The following GRIA4 variants were observed in gnomAD, a reference collection of about 807,000 sequenced individuals.
GRIA4 encodes glutamate ionotropic receptor AMPA type subunit 4.
Under a neutral mutation model 104.0 loss-of-function variants are expected in GRIA4, and 34 were observed. The observed-to-expected ratio is 0.33, with a 90% confidence interval of 0.25 to 0.44. The LOEUF (loss-of-function observed/expected upper bound fraction) is 0.44, where lower values mean the gene tolerates loss of function less well. Among genes scored for constraint, GRIA4 ranks in the 20% least tolerant of loss-of-function variants. The probability of loss-of-function intolerance (pLI) is 1.00; values close to 1 mark genes in which losing one functional copy is unlikely to be tolerated. For synonymous variants in GRIA4, 386 were observed against 381.9 expected (o/e 1.01, Z -0.13); for missense variants, 750 against 1,096.5 (o/e 0.68, Z 4.46).
Position 105,924,550 on chromosome 11 carries a change from T to C in GRIA4, c.1628T>C (p.Leu543Pro). ...KPGVFSFLDP[L>P]AYEIWMCIVF... ...GGAGTGTTTTCCTTCTTGGATCCTC[T>C]GGCCTATGAGATTTGGATGTGCATA... is the stretch of plus-strand genomic sequence containing the variant. Residue 543 changes from leucine to proline, a missense_variant, in exon 12 of 17, where the codon CTG becomes CCG. Transcript: ENST00000282499. 1.2e-6 allele frequency: 2 copies of C among 1,613,302 alleles called. No individual in the cohort carries two copies. Among genetic ancestry groups the C allele is most frequent in the Non-Finnish European group, 1.7e-6 (2 of 1,179,428 alleles).
intron 4 of GRIA4, among the ~76,000 whole-genome samples, chr11:105,805,951 A>G (rs1942936964): frequency 6.6e-6 from 1 of 151,902 alleles, no homozygotes; most frequent in African/African-American, 2.4e-5. Flanking sequence ...TAATTAGATT[A>G]GAGAGGCCTT....
At chr11:105,761,712 C>T (rs1331564021) in intron 4 of GRIA4, among the ~76,000 whole-genome samples, 1 of 152,158 alleles carries the variant, frequency 6.6e-6, no homozygotes, top group Non-Finnish European at 1.5e-5. Flanking sequence ...TCAAAAAATG[C>T]TAATCTTCTT....
At chr11:105,770,119 A>G (rs1941143383) in intron 4 of GRIA4, among the ~76,000 whole-genome samples, 1 of 152,114 alleles carries the variant, frequency 6.6e-6, no homozygotes, top group Non-Finnish European at 1.5e-5. Context: ...TGGATGATTT[A>G]GTGCTCTAAT....
intron 4 of GRIA4, among the ~76,000 whole-genome samples, chr11:105,830,468 A>G (rs1483845559): frequency 6.6e-6 from 1 of 151,984 alleles, no homozygotes; most frequent in Non-Finnish European, 1.5e-5. Context: ...TAAGATGAAG[A>G]CTTGGGAGGA....
chr11:105,824,330 C>T (rs1382553121), intron 4 of GRIA4, among the ~76,000 whole-genome samples: 1 of 151,998 alleles, frequency 6.6e-6, no homozygotes, highest in Non-Finnish European at 1.5e-5. Flanking sequence ...GTGTATACTT[C>T]TTTATTCTCA....
chr11:105,734,864 G>C (rs1217723949), intron 3 of GRIA4, among the ~76,000 whole-genome samples: 2 of 152,098 alleles, frequency 1.3e-5, no homozygotes, highest in African/African-American at 2.4e-5. Context: ...TCAGTACTGG[G>C]TCAATGTAAG....
At chr11:105,642,539 A>G (rs1298183117) in intron 3 of GRIA4, among the ~76,000 whole-genome samples, 2 of 28,306 alleles carry the variant, frequency 7.1e-5, no homozygotes, top group Admixed American at 6.1e-4. Flanking sequence ...ATTTTAATGA[A>G]AAAAAAAAAA....
At chr11:105,719,431 A>G (rs973182665) in intron 3 of GRIA4, among the ~76,000 whole-genome samples, 4 of 152,070 alleles carry the variant, frequency 2.6e-5, no homozygotes, top group African/African-American at 9.7e-5. Flanking sequence ...TCTGCTTTAA[A>G]TTTTCTGAAT....
chr11:105,766,470 G>GAT (rs1940946941), intron 4 of GRIA4, among the ~76,000 whole-genome samples: 1 of 152,008 alleles, frequency 6.6e-6, no homozygotes, highest in Non-Finnish European at 1.5e-5. Flanking sequence ...TTGTGTTATT[G>GAT]ATATGAGCTT....
At chr11:105,653,999 C>CAAAAAAAAAAAAAAGAAAA (rs1951758478) in intron 3 of GRIA4, among the ~76,000 whole-genome samples, 1 of 50,262 alleles carries the variant, frequency 2.0e-5, no homozygotes. Flanking sequence ...ACTATTTAGC[C>CAAAAAAAAAAAAAAGAAAA]AAAAAAAAAA....
intron 4 of GRIA4, among the ~76,000 whole-genome samples, chr11:105,808,764 T>TA (rs1943056240): frequency 6.6e-6 from 1 of 152,096 alleles, no homozygotes; most frequent in African/African-American, 2.4e-5. Flanking sequence ...CCCTGAAATT[T>TA]AAAATAACTG....
chr11:105,728,114 T>G (rs534967396), intron 3 of GRIA4, among the ~76,000 whole-genome samples: 2 of 152,316 alleles, frequency 1.3e-5, no homozygotes, highest in Non-Finnish European at 2.9e-5. Flanking sequence ...ATCAGTGTGC[T>G]GTATTCAGGA....
intron 4 of GRIA4, among the ~76,000 whole-genome samples, chr11:105,828,837 T>C (rs1943869899): frequency 6.6e-6 from 1 of 152,020 alleles, no homozygotes; most frequent in Admixed American, 6.6e-5. Flanking sequence ...TCTTATTCCA[T>C]GGGGTGTCCC....
chr11:105,875,125 G>C (rs558292122), intron 5 of GRIA4, among the ~76,000 whole-genome samples: 26 of 152,252 alleles, frequency 1.7e-4, no homozygotes, highest in African/African-American at 6.0e-4. Flanking sequence ...TAGCATGAAG[G>C]GGTGTTGAAT....
At chr11:105,876,009 G>T (rs1263447519) in intron 5 of GRIA4, among the ~76,000 whole-genome samples, 1 of 151,992 alleles carries the variant, frequency 6.6e-6, no homozygotes, top group Admixed American at 6.6e-5. Flanking sequence ...TGATGTTAGG[G>T]TGTCGATTTT....
chr11:105,771,801 T>C (rs1941219145), intron 4 of GRIA4, among the ~76,000 whole-genome samples: 1 of 152,050 alleles, frequency 6.6e-6, no homozygotes, highest in South Asian at 2.1e-4. Flanking sequence ...AACTTGCAGA[T>C]GAACCATGTA....
intron 10 of GRIA4, chr11:105,912,901 G>A (rs1003145289): frequency 1.0e-6 from 1 of 979,874 alleles, no homozygotes; most frequent in Admixed American, 6.2e-5. Context: ...TCCCAACACA[G>A]ATGGAATTGG....
At chr11:105,832,140 C>A (rs41445847) in intron 4 of GRIA4, among the ~76,000 whole-genome samples, 3,044 of 152,008 alleles carry the variant, frequency 0.02, 56 homozygotes, top group East Asian at 0.054. Context: ...AATAACCCTG[C>A]AATGTATGCA....
intron 3 of GRIA4, among the ~76,000 whole-genome samples, chr11:105,651,831 A>G (rs1186260338): frequency 1.3e-5 from 2 of 152,088 alleles, no homozygotes; most frequent in African/African-American, 2.4e-5. Context: ...AAAAGAATGA[A>G]TAACACTGGT....
Sources: gnomAD v4.1 joint callset for allele counts (sites outside exome capture counted in the v4.1 genomes callset) on GRCh38, gnomAD v4.1.1 for gene constraint, MANE v1.5 for transcripts, NCBI Gene and HGNC (gene_info 2026-07-23, HGNC 2026-07-21) for gene names.